Variants in HS6ST3 observed in about 807,000 individuals in gnomAD.
The protein encoded by HS6ST3 is heparan sulfate 6-O-sulfotransferase 3.
A neutral mutation model predicts 36.7 loss-of-function variants in HS6ST3; 12 were observed. The observed-to-expected ratio is 0.33, with a 90% CI of 0.21 to 0.53. The LOEUF is 0.53. Ranked by LOEUF, HS6ST3 falls within the 20% of genes least tolerant of loss-of-function variation. The pLI is 0.95. For synonymous variants in HS6ST3, 240 were observed against 257.5 expected, an observed-to-expected ratio of 0.93 and a Z score of 0.65; for missense variants, 584 against 640.9, an observed-to-expected ratio of 0.91 and a Z score of 0.96.
At position 96,817,321 on chromosome 13, in the gene HS6ST3, C is replaced by T. The variant is rs544464053; in HGVS notation, c.708-15169C>T. 2.6e-5 allele frequency among the ~76,000 whole-genome samples: 4 copies of T among 152,226 alleles called. No individual in the cohort carries two copies. The South Asian group carries it at 6.2e-4, about 24-fold the overall frequency. ...TTGGGATTTTTTATGCTAGAGTGGA[C>T]GCAGGAAATCACAGGTGCAACTAAT... On this transcript the variant is annotated intron_variant, in intron 1 of 1. Coordinates refer to ENST00000376705, the MANE Select transcript of HS6ST3 (RefSeq NM_153456.4).
chr13:96,828,433 G>C (rs1878697263), intron 1 of HS6ST3, among the ~76,000 whole-genome samples: 1 of 151,678 alleles, frequency 6.6e-6, no homozygotes, highest in Non-Finnish European at 1.5e-5. Flanking sequence ...TTTTAATTCA[G>C]TTTAGCTTGG....
At chr13:96,533,594 T>C (rs558236770) in intron 1 of HS6ST3, among the ~76,000 whole-genome samples, 1 of 152,286 alleles carries the variant, frequency 6.6e-6, no homozygotes, top group Non-Finnish European at 1.5e-5. Flanking sequence ...CGGGGGCAGA[T>C]CAGCAACAAG....
chr13:96,212,420 ATAAT>A (rs2054403429), intron 1 of HS6ST3, among the ~76,000 whole-genome samples: 1 of 152,270 alleles, frequency 6.6e-6, no homozygotes, highest in Non-Finnish European at 1.5e-5. Context: ...ATCTTCCTAA[ATAAT>A]TAGAGAAAAT....
intron 1 of HS6ST3, among the ~76,000 whole-genome samples, chr13:96,415,901 G>A (rs1047948609): frequency 6.6e-6 from 1 of 152,070 alleles, no homozygotes; most frequent in Admixed American, 6.5e-5. Context: ...CAAAATAAGA[G>A]GTACAATTTC....
At chr13:96,113,791 A>C (rs2139301787) in intron 1 of HS6ST3, among the ~76,000 whole-genome samples, 1 of 152,192 alleles carries the variant, frequency 6.6e-6, no homozygotes, top group East Asian at 1.9e-4. Context: ...GAAATAATTC[A>C]AGAGAAGAAA....
rs1308988141 is a variant in HS6ST3 at position 96,838,718 on chromosome 13, TC to T, written c.*5521del. 1 of 152,278 alleles carries T rather than the reference TC, an allele frequency of 6.6e-6. No individual in the cohort carries two copies. Among genetic ancestry groups the T allele is most frequent in the Non-Finnish European group, 1.5e-5 (1 of 68,094 alleles). 9.4% of individuals were successfully genotyped at this position (152,278 alleles called of 1,614,324 possible). ...TTCCTTGAGACTTCAAATTAGCCCTTCTGAGCAAGTGGGCAGGTTCTGAAAC... is the reference window on the plus strand; with the variant it reads ...TTCCTTGAGACTTCAAATTAGCCCTTTGAGCAAGTGGGCAGGTTCTGAAAC... On this transcript the variant is annotated 3_prime_UTR_variant, in exon 2 of 2. Coordinates refer to ENST00000376705, the MANE Select transcript of HS6ST3 (RefSeq NM_153456.4).
intron 1 of HS6ST3, among the ~76,000 whole-genome samples, chr13:96,221,990 T>C (rs1202079809): frequency 6.6e-6 from 1 of 152,234 alleles, no homozygotes; most frequent in Non-Finnish European, 1.5e-5. Flanking sequence ...AATTTTATAA[T>C]AGATTTTAGA....
intron 1 of HS6ST3, among the ~76,000 whole-genome samples, chr13:96,229,059 C>T (rs1313941446): frequency 6.6e-6 from 1 of 152,072 alleles, no homozygotes; most frequent in Non-Finnish European, 1.5e-5. Flanking sequence ...CATAAGGGAG[C>T]CAAAATGTCC....
chr13:96,192,710 G>A (rs528287781), intron 1 of HS6ST3, among the ~76,000 whole-genome samples: 2 of 151,904 alleles, frequency 1.3e-5, no homozygotes, highest in Non-Finnish European at 1.5e-5. Context: ...ACAGTGCTGC[G>A]ATGAATATAT....
At chr13:96,279,169 G>A (rs2139392662) in intron 1 of HS6ST3, among the ~76,000 whole-genome samples, 1 of 152,232 alleles carries the variant, frequency 6.6e-6, no homozygotes, top group South Asian at 2.1e-4. Flanking sequence ...AAGGAAGAAA[G>A]CTTGAATAGC....
At chr13:96,792,885 G>T (rs60858261) in intron 1 of HS6ST3, among the ~76,000 whole-genome samples, 2,234 of 152,094 alleles carry the variant, frequency 0.015, 53 homozygotes, top group African/African-American at 0.051. Flanking sequence ...AAAGATACCT[G>T]CCCAGATGGT....
At chr13:96,516,522 G>A (rs902068203) in intron 1 of HS6ST3, among the ~76,000 whole-genome samples, 5 of 152,068 alleles carry the variant, frequency 3.3e-5, no homozygotes, top group African/African-American at 1.2e-4. Context: ...ACAAAAAATA[G>A]CAAAACATTG....
intron 1 of HS6ST3, among the ~76,000 whole-genome samples, chr13:96,725,898 G>A (rs1038947080): frequency 5.9e-5 from 9 of 151,860 alleles, no homozygotes; most frequent in Non-Finnish European, 1.2e-4. Context: ...GTGCAGTGGC[G>A]CGATCTCAGC....
intron 1 of HS6ST3, among the ~76,000 whole-genome samples, chr13:96,166,832 G>A (rs1050994609): frequency 1.3e-5 from 2 of 152,050 alleles, no homozygotes; most frequent in African/African-American, 2.4e-5. Context: ...GGGACCAGTG[G>A]GAGGTAACTG....
At chr13:96,344,230 C>T (rs1410510919) in intron 1 of HS6ST3, among the ~76,000 whole-genome samples, 1 of 149,908 alleles carries the variant, frequency 6.7e-6, no homozygotes, top group African/African-American at 2.5e-5. Flanking sequence ...ACTTCTAGGT[C>T]CCAGAGAAAA....
At chr13:96,437,739 G>A (rs2055650177) in intron 1 of HS6ST3, among the ~76,000 whole-genome samples, 1 of 152,212 alleles carries the variant, frequency 6.6e-6, no homozygotes, top group African/African-American at 2.4e-5. Context: ...CTTCCTTGCT[G>A]TAGTCAGTTC....
chr13:96,293,996 AT>A (rs1255245868), intron 1 of HS6ST3, among the ~76,000 whole-genome samples: 1 of 152,136 alleles, frequency 6.6e-6, no homozygotes, highest in Non-Finnish European at 1.5e-5. Flanking sequence ...CTATAGATCC[AT>A]TGTGGCTTAG....
chr13:96,525,474 C>A (rs569899842), intron 1 of HS6ST3, among the ~76,000 whole-genome samples: 70 of 152,168 alleles, frequency 4.6e-4, no homozygotes, highest in Non-Finnish European at 8.4e-4. Context: ...CCTCTACAGC[C>A]GACAGGTTAT....
Position 96,112,003 on chromosome 13 carries a change from C to A in HS6ST3, c.707+20434C>A, listed in dbSNP as rs369346230. 3.3e-4 allele frequency among the ~76,000 whole-genome samples: 50 copies of A among 152,096 alleles called. 1 individual carries two copies. In the South Asian group the frequency reaches 1.0e-2, roughly 30 times the overall value. ...AAAAGTTAGGATACCCTAAGTATTC[C>A]TGAAGAAGAAAAGTGATGAGGTAGA... On this transcript the variant is annotated intron_variant, in intron 1 of 1. Transcript: ENST00000376705.
Sources: gnomAD v4.1 joint callset for allele counts (sites outside exome capture counted in the v4.1 genomes callset) on GRCh38, gnomAD v4.1.1 for gene constraint, MANE v1.5 for transcripts, NCBI Gene and HGNC (gene_info 2026-07-23, HGNC 2026-07-21) for gene names.